CLTC: variants seen among roughly 807,000 people sequenced by gnomAD.
CLTC encodes the protein clathrin heavy chain 1.
CLTC carries 16 observed loss-of-function variants against 195.8 expected under a neutral mutation model. The ratio of observed to expected loss-of-function variants is 0.08; its 90% CI spans 0.06 to 0.12. The LOEUF (loss-of-function observed/expected upper bound fraction) is 0.12, where lower values mean the gene tolerates loss of function less well. CLTC is among the 10% of genes least tolerant of loss of function. CLTC has a pLI of 1.00. For synonymous variants in CLTC, 667 were observed against 689.4 expected, an observed-to-expected ratio of 0.97 and a Z score of 0.51; for missense variants, 796 against 2,027.0, an observed-to-expected ratio of 0.39 and a Z score of 11.66.
intron 1 of CLTC, among the ~76,000 whole-genome samples, chr17:59,638,765 CCTT>C (rs1261772705): frequency 2.6e-5 from 4 of 152,234 alleles, no homozygotes; most frequent in East Asian, 3.9e-4. Context: ...TGGCTGCTCA[CCTT>C]CTTCTGTGTG....
chr17:59,635,832 A>G (rs1317342995), intron 1 of CLTC, among the ~76,000 whole-genome samples: 1 of 152,226 alleles, frequency 6.6e-6, no homozygotes, highest in South Asian at 2.1e-4. Flanking sequence ...TTCTGTCTTT[A>G]GGAGCATGTG....
intron 31 of CLTC, 36 bp downstream of exon 31, chr17:59,690,747 A>C: frequency 6.8e-7 from 1 of 1,467,374 alleles, no homozygotes; most frequent in Non-Finnish European, 9.5e-7. Flanking sequence ...AATTCATTAG[A>C]CAAATATTTA....
intron 1 of CLTC, among the ~76,000 whole-genome samples, chr17:59,637,998 A>AG: frequency 6.7e-6 from 1 of 148,866 alleles, no homozygotes; most frequent in African/African-American, 2.5e-5. Context: ...AAAAAAAAAA[A>AG]GGCATTTCAT....
intron 1 of CLTC, among the ~76,000 whole-genome samples, chr17:59,631,905 G>A (rs2031728907): frequency 6.6e-6 from 1 of 151,790 alleles, no homozygotes; most frequent in Admixed American, 6.6e-5. Flanking sequence ...GGGAAGTGGA[G>A]GTTGCAGTAG....
At chr17:59,638,128 A>C (rs2031923708) in intron 1 of CLTC, among the ~76,000 whole-genome samples, 1 of 152,194 alleles carries the variant, frequency 6.6e-6, no homozygotes, top group South Asian at 2.1e-4. Flanking sequence ...AATAAAATGC[A>C]AATGCAAAAA....
Position 59,683,274 on chromosome 17 carries a change from T to A in CLTC, c.4041+12T>A. ...TGAATATTCCCAAGGTAACCAGTCA[T>A]TGTAACACAGTGAAGCAACTGTGTA... On this transcript the variant is annotated intron_variant, in intron 25 of 31. Transcript: ENST00000269122. The surrounding 1 kb of genome is among the most constrained non-coding windows in gnomAD (Gnocchi z 6.1). 1 of 1,612,552 alleles carries A rather than the reference T, an allele frequency of 6.2e-7. No individual in the cohort carries two copies. Among genetic ancestry groups the A allele is most frequent in the African/African-American group, 1.3e-5 (1 of 74,980 alleles).
chr17:59,686,542 G>A lies in CLTC; in HGVS notation c.4827+734G>A, dbSNP rs913571439. 5.9e-5 allele frequency among the ~76,000 whole-genome samples: 9 copies of A among 152,140 alleles called. No homozygotes were observed. In the Middle Eastern group the frequency reaches 0.014, roughly 230 times the overall value. On this transcript the variant is annotated intron_variant, in intron 30 of 31. Coordinates refer to ENST00000269122, the MANE Select transcript of CLTC (RefSeq NM_004859.4). ...TGGGGGGATGGGAGGGTGAAGAAGC[G>A]CTACCAACAACCCCTCCCATACTGA...
Position 59,666,074 on chromosome 17 carries a change from A to G in CLTC, c.1645-29A>G, listed in dbSNP as rs754301638. Reference sequence around the variant, plus strand: ...CTACATACTCTCCATAGTATCTTAAAACAATTTCTTTTAAATCTTTTTTTG... The same window carrying G: ...CTACATACTCTCCATAGTATCTTAAGACAATTTCTTTTAAATCTTTTTTTG... On this transcript the variant is annotated intron_variant, in intron 10 of 31. Transcript: ENST00000269122. The surrounding 1 kb of genome is among the most constrained non-coding windows in gnomAD (Gnocchi z 4.9). 1.9e-6 allele frequency: 3 copies of G among 1,558,656 alleles called. No individual in the cohort carries two copies. The highest frequency in any genetic ancestry group is 2.6e-6 in the Non-Finnish European group (3 of 1,133,620).
At chr17:59,653,665 G>A (rs2032388206) in intron 5 of CLTC, among the ~76,000 whole-genome samples, 2 of 151,988 alleles carry the variant, frequency 1.3e-5, no homozygotes, top group South Asian at 4.1e-4. Context: ...TGATCCTCTT[G>A]CCTCAGCCTC....
intron 1 of CLTC, among the ~76,000 whole-genome samples, chr17:59,640,518 T>C (rs1400847580): frequency 6.6e-6 from 1 of 151,786 alleles, no homozygotes; most frequent in Non-Finnish European, 1.5e-5. Flanking sequence ...TGCCTCAGCC[T>C]CTGGAGTAGC....
chr17:59,691,997 A>T (rs73994230), intron 31 of CLTC, among the ~76,000 whole-genome samples: 1 of 152,160 alleles, frequency 6.6e-6, no homozygotes, highest in Non-Finnish European at 1.5e-5. Context: ...AGATGTCATT[A>T]TCAAGATTAG....
chr17:59,664,322 C>CA (rs1318659938), intron 9 of CLTC, among the ~76,000 whole-genome samples: 1 of 152,014 alleles, frequency 6.6e-6, no homozygotes, highest in African/African-American at 2.4e-5. Context: ...GAGGCCAAGG[C>CA]AGGCAGATCA....
intron 4 of CLTC, among the ~76,000 whole-genome samples, chr17:59,650,897 C>T (rs1269343448): frequency 6.6e-6 from 1 of 152,194 alleles, no homozygotes; most frequent in Non-Finnish European, 1.5e-5. Context: ...CCATCCCTAG[C>T]TCCTGGCAAC....
chr17:59,633,321 T>C (rs1244407814), intron 1 of CLTC, among the ~76,000 whole-genome samples: 2 of 152,050 alleles, frequency 1.3e-5, no homozygotes, highest in Admixed American at 1.3e-4. Context: ...TGAAACCCCG[T>C]CTCTACTGAA....
At chr17:59,638,305 C>T (rs1478493109) in intron 1 of CLTC, among the ~76,000 whole-genome samples, 2 of 151,720 alleles carry the variant, frequency 1.3e-5, no homozygotes, top group Admixed American at 6.6e-5. Context: ...TCTTGCACTC[C>T]AGCTTGGGTG....
chr17:59,646,990 C>T (rs1005756195), intron 2 of CLTC, among the ~76,000 whole-genome samples: 7 of 152,136 alleles, frequency 4.6e-5, no homozygotes, highest in Non-Finnish European at 1.0e-4. Context: ...CATTTTCTTT[C>T]CCCCATGTGT....
Position 59,620,114 on chromosome 17 carries a change from A to G in CLTC, c.-18A>G, listed in dbSNP as rs2031316350. 1 of 1,613,944 alleles carries G rather than the reference A, an allele frequency of 6.2e-7. No homozygotes were observed. The highest frequency in any genetic ancestry group is 1.3e-5 in the African/African-American group (1 of 75,020). Reference sequence around the variant, plus strand: ...GCAGCCCCAGTGACAGGAGGAGACCATAACCCCCGACAGCGCCATGGCCCA... The same window carrying G: ...GCAGCCCCAGTGACAGGAGGAGACCGTAACCCCCGACAGCGCCATGGCCCA... On this transcript the variant is annotated 5_prime_UTR_variant, in exon 1 of 32. Transcript: ENST00000269122.
Position 59,683,352 on chromosome 17 carries a change from C to T in CLTC, c.4042-35C>T. ...ATTCTTTTTAAGGCTGTTAGCTAGA[C>T]TCATATCTAAAGCAATTAAGTCTTT... On this transcript the variant is annotated intron_variant, in intron 25 of 31. Transcript: ENST00000269122. This position sits in a 1 kb window ranked among gnomAD's most constrained non-coding sequence, Gnocchi z 6.1. 6.2e-7 allele frequency: 1 copy of T among 1,603,732 alleles called. No homozygotes were observed. The highest frequency in any genetic ancestry group is 8.5e-7 in the Non-Finnish European group (1 of 1,174,906).
chr17:59,656,609 A>G (rs1185468773), intron 6 of CLTC, among the ~76,000 whole-genome samples: 1 of 151,908 alleles, frequency 6.6e-6, no homozygotes, highest in Non-Finnish European at 1.5e-5. Flanking sequence ...GTCATTTTTG[A>G]AAAACCTCTT....
Sources: gnomAD v4.1 joint callset for allele counts (sites outside exome capture counted in the v4.1 genomes callset) on GRCh38, gnomAD v4.1.1 for gene constraint, Gnocchi (gnomAD v3.1) non-coding constraint, MANE v1.5 for transcripts, NCBI Gene and HGNC (gene_info 2026-07-23, HGNC 2026-07-21) for gene names.